KDELR2: variants seen among roughly 807,000 people sequenced by gnomAD.
The protein encoded by KDELR2 is KDEL endoplasmic reticulum protein retention receptor 2.
In KDELR2, 15 loss-of-function variants were observed where a neutral mutation model predicts 23.9. The ratio of observed to expected loss-of-function variants is 0.63; its 90% confidence interval spans 0.42 to 0.97. The LOEUF is 0.97. KDELR2 is among the 50% of genes least tolerant of loss of function. The pLI is 0.00. For synonymous variants in KDELR2, 119 were observed against 106.2 expected, an observed-to-expected ratio of 1.12 and a Z score of -0.74; for missense variants, 272 against 254.6, an observed-to-expected ratio of 1.07 and a Z score of -0.46.
chr7:6,478,515 C>T (rs1030396352), intron 1 of KDELR2, among the ~76,000 whole-genome samples: 2 of 152,132 alleles, frequency 1.3e-5, no homozygotes, highest in Admixed American at 6.6e-5. Flanking sequence ...CGTTATTCTT[C>T]AGTGAATTGC....
chr7:6,462,883 C>T lies in KDELR2; in HGVS notation c.*258G>A. On this transcript the variant is annotated 3_prime_UTR_variant, in exon 5 of 5. Coordinates refer to ENST00000258739, the MANE Select transcript of KDELR2 (RefSeq NM_006854.4). The stretch of plus-strand genomic sequence containing the variant: ...GAACTATCCCAATTGAAGCTACACA[C>T]TGAATTTATTAATACAGCATTAAGT... 8.3e-7 allele frequency: 1 copy of T among 1,198,832 alleles called. No individual in the cohort carries two copies. The highest frequency in any genetic ancestry group is 2.6e-5 in the East Asian group (1 of 38,866). 74.3% of individuals were successfully genotyped at this position (1,198,832 alleles called of 1,614,324 possible). A position where few individuals can be genotyped will look rare whatever the true frequency, so the allele number is the denominator to read the frequency against.
rs1416480994 is a variant in KDELR2 at position 6,461,787 on chromosome 7, G to A, written c.*1354C>T. ...AGTATTCAACACTTTAATATTTATG[G>A]TGTATCACATAAAAAACAAAGTCAT... is the stretch of plus-strand genomic sequence containing the variant. On this transcript the variant is annotated 3_prime_UTR_variant, in exon 5 of 5. Coordinates refer to ENST00000258739, the MANE Select transcript of KDELR2 (RefSeq NM_006854.4). The A allele has an allele frequency of 6.6e-6, 1 of 151,652 alleles. No homozygotes were observed. Among genetic ancestry groups the A allele is most frequent in the East Asian group, 1.9e-4 (1 of 5,184 alleles). 9.4% of individuals were successfully genotyped at this position (151,652 alleles called of 1,614,324 possible).
At chr7:6,465,741 G>C (rs1441520085) in intron 4 of KDELR2, among the ~76,000 whole-genome samples, 1 of 152,068 alleles carries the variant, frequency 6.6e-6, no homozygotes, top group Non-Finnish European at 1.5e-5. Flanking sequence ...AAAAATGTGA[G>C]GGGATAAAAG....
chr7:6,481,491 G>A (rs757560531), intron 1 of KDELR2, among the ~76,000 whole-genome samples: 1 of 152,078 alleles, frequency 6.6e-6, no homozygotes, highest in Non-Finnish European at 1.5e-5. Flanking sequence ...TTTGCCAGAG[G>A]AGGGGATTCT....
At chr7:6,479,234 T>C (rs1469599710) in intron 1 of KDELR2, among the ~76,000 whole-genome samples, 1 of 152,152 alleles carries the variant, frequency 6.6e-6, no homozygotes, top group Non-Finnish European at 1.5e-5. Context: ...CACGGCTCGC[T>C]GCAACCTCGA....
At chr7:6,464,941 G>A (rs1265471311) in intron 4 of KDELR2, among the ~76,000 whole-genome samples, 1 of 151,696 alleles carries the variant, frequency 6.6e-6, no homozygotes, top group African/African-American at 2.4e-5. Context: ...TCGCCATGTT[G>A]GTCAGGCTAG....
In KDELR2 at chr7:6,463,035, A is replaced by G. The variant is rs1249959379; in HGVS notation, c.*106T>C. 2 of 1,614,180 alleles carry G rather than the reference A, an allele frequency of 1.2e-6. No homozygotes were observed. The highest frequency in any genetic ancestry group is 2.2e-5 in the East Asian group (1 of 44,882). ...GCCACTGATGACTATCTGCAACAAA[A>G]GAGTTAAGTTTCTGATTTTCCGTAT... On this transcript the variant is annotated 3_prime_UTR_variant, in exon 5 of 5. Transcript: ENST00000258739.
chr7:6,467,562 A>C (rs1433342321), intron 3 of KDELR2, among the ~76,000 whole-genome samples: 1 of 152,144 alleles, frequency 6.6e-6, no homozygotes, highest in East Asian at 1.9e-4. Context: ...GGAATTCAAG[A>C]CCAGCCTGGA....
rs1023843559 is a variant in KDELR2, at chr7:6,469,113, A to G, written c.351+483T>C. On this transcript the variant is annotated intron_variant, in intron 3 of 4. Transcript: ENST00000258739. ...ACTACAGGTGCCCGCCACCATGCCC[A>G]GCTAATTTTTTTTATTTTTTAGTAC... is the stretch of plus-strand genomic sequence containing the variant. Among the ~76,000 whole-genome samples, 32 of 151,710 alleles carry G rather than the reference A, an allele frequency of 2.1e-4. 1 individual carries two copies. The highest frequency in any genetic ancestry group is 1.2e-3 in the South Asian group (6 of 4,802).
intron 1 of KDELR2, among the ~76,000 whole-genome samples, chr7:6,477,207 A>G (rs1785771924): frequency 6.6e-6 from 1 of 152,164 alleles, no homozygotes; most frequent in African/African-American, 2.4e-5. Flanking sequence ...CGGTCCATGG[A>G]GTAGCGTCCA....
Position 6,484,014 on chromosome 7 carries a change from G to T in KDELR2, c.44C>A (p.Ala15Asp). ...RLTGDLSHLA[A>D]IVILLLKIWK... ...GATCTTCAGCAGCAGGATGACGATG[G>T]CCGCCAGGTGGGACAGGTCCCCAGT... Residue 15 changes from alanine to aspartate, a missense_variant, in exon 1 of 5, where the codon GCC (alanine) becomes GAC (aspartate). Coordinates refer to ENST00000258739, the MANE Select transcript of KDELR2 (RefSeq NM_006854.4). 1 of 1,528,922 alleles carries T rather than the reference G, an allele frequency of 6.5e-7. No homozygotes were observed. The highest frequency in any genetic ancestry group is 8.8e-7 in the Non-Finnish European group (1 of 1,135,608). The allele number at this position is 1,528,922 out of a possible 1,614,324, so 94.7% of individuals were successfully genotyped here. A position where few individuals can be genotyped will look rare whatever the true frequency, so the allele number is the denominator to read the frequency against.
At chr7:6,481,658 T>G (rs1423179767) in intron 1 of KDELR2, among the ~76,000 whole-genome samples, 1 of 152,108 alleles carries the variant, frequency 6.6e-6, no homozygotes, top group African/African-American at 2.4e-5. Context: ...AGTTTGGGGC[T>G]GTAGTGAGCC....
Position 6,462,875 on chromosome 7 carries a change from G to A in KDELR2, c.*266C>T. ...CACTTTTGGAACTATCCCAATTGAA[G>A]CTACACACTGAATTTATTAATACAG... On this transcript the variant is annotated 3_prime_UTR_variant, in exon 5 of 5. Transcript: ENST00000258739. The A allele has an allele frequency of 1.8e-6, 2 of 1,111,906 alleles. No individual in the cohort carries two copies. Among genetic ancestry groups the A allele is most frequent in the Non-Finnish European group, 2.5e-6 (2 of 795,374 alleles). The allele number at this position is 1,111,906 out of a possible 1,614,324, so 68.9% of individuals were successfully genotyped here. A position where few individuals can be genotyped will look rare whatever the true frequency, so the allele number is the denominator to read the frequency against.
At chr7:6,470,941 T>C (rs182341025) in intron 2 of KDELR2, among the ~76,000 whole-genome samples, 3,203 of 151,426 alleles carry the variant, frequency 0.021, 125 homozygotes, top group African/African-American at 0.074. Flanking sequence ...GGTGAAACCC[T>C]ATCTCTACTA....
At chr7:6,476,712 G>C (rs1785763088) in intron 1 of KDELR2, among the ~76,000 whole-genome samples, 1 of 152,086 alleles carries the variant, frequency 6.6e-6, no homozygotes. Flanking sequence ...CACCTCCTCT[G>C]GGATGTCATC....
chr7:6,484,133 G>A lies in KDELR2; in HGVS notation c.-76C>T. 1.7e-6 allele frequency: 2 copies of A among 1,158,596 alleles called. No homozygotes were observed. Among genetic ancestry groups the A allele is most frequent in the Admixed American group, 4.4e-5 (1 of 22,660 alleles). The allele number at this position is 1,158,596 out of a possible 1,614,324, so 71.8% of individuals were successfully genotyped here. ...CGGCTCAGGAGGCGGCGGCCCCTGA[G>A]AGGAAGCGGCGAAGATGGCGAGATC... On this transcript the variant is annotated 5_prime_UTR_variant, in exon 1 of 5. Coordinates refer to ENST00000258739, the MANE Select transcript of KDELR2 (RefSeq NM_006854.4).
chr7:6,474,369 G>C, intron 1 of KDELR2, 85 bp from the exon 2 acceptor site: 1 of 906,866 alleles, frequency 1.1e-6, no homozygotes, highest in Non-Finnish European at 1.8e-6. Flanking sequence ...GTGCAGACAG[G>C]GAAGGAGGGG....
At chr7:6,465,353 T>A (rs1206913368) in intron 4 of KDELR2, among the ~76,000 whole-genome samples, 1 of 151,504 alleles carries the variant, frequency 6.6e-6, no homozygotes, top group Non-Finnish European at 1.5e-5. Flanking sequence ...CTGGCTAAGT[T>A]TTTTGTATTT....
intron 1 of KDELR2, among the ~76,000 whole-genome samples, chr7:6,478,726 C>T (rs546902408): frequency 6.6e-6 from 1 of 152,124 alleles, no homozygotes; most frequent in Non-Finnish European, 1.5e-5. Flanking sequence ...TCTCCAGGAC[C>T]GTAGTATGAA....
Sources: allele counts gnomAD v4.1 joint callset (sites outside exome capture counted in the v4.1 genomes callset), GRCh38; gene constraint gnomAD v4.1.1; transcripts MANE v1.5; gene names NCBI Gene and HGNC (gene_info 2026-07-23, HGNC 2026-07-21).